Variants in MOB1B observed in about 807,000 individuals in gnomAD.
MOB1B encodes MOB kinase activator 1B, also known as MOB1 Mps One Binder homolog B.
A neutral mutation model predicts 24.4 loss-of-function variants in MOB1B; 19 were observed. That is an observed-to-expected ratio of 0.78 (90% confidence interval 0.54 to 1.14). The LOEUF is 1.14. MOB1B is among the 50% of genes most tolerant of loss of function. The pLI, the probability that MOB1B is intolerant of heterozygous loss-of-function variation, is 0.00. For synonymous variants in MOB1B, 76 were observed against 82.1 expected (o/e 0.93, Z 0.40); for missense variants, 243 against 259.6 (o/e 0.94, Z 0.44).
chr4:70,976,753 C>CATATATATATATATATATATAT (rs376072053), intron 4 of MOB1B: 10 of 181,558 alleles, frequency 5.5e-5, no homozygotes, highest in African/African-American at 2.8e-4. Flanking sequence ...GACTGAATTA[C>CATATATATATATATATATATAT]ATATATATAT....
chr4:70,982,629 A>G lies in MOB1B; in HGVS notation c.*572A>G, dbSNP rs1175646970. On this transcript the variant is annotated 3_prime_UTR_variant, in exon 6 of 6. Transcript: ENST00000309395. ...TTGAAGAAACAGAATTTGTAAAGGT[A>G]TGCATGTAGAACATAAAAAATATTT... The G allele has an allele frequency of 6.6e-6, 1 of 152,640 alleles. No individual in the cohort carries two copies. Among genetic ancestry groups the G allele is most frequent in the African/African-American group, 2.4e-5 (1 of 41,472 alleles). 9.5% of individuals were successfully genotyped at this position (152,640 alleles called of 1,614,324 possible).
chr4:70,922,460 C>A (rs1194297813), intron 1 of MOB1B, among the ~76,000 whole-genome samples: 3 of 151,986 alleles, frequency 2.0e-5, no homozygotes, highest in Non-Finnish European at 2.9e-5. Flanking sequence ...GGGGAGGGGG[C>A]TTGGGGGCTT....
In MOB1B at chr4:70,979,198, T is replaced by G; in HGVS notation, c.480T>G (p.Ala160=). The G allele has an allele frequency of 6.2e-7, 1 of 1,613,820 alleles. No individual in the cohort carries two copies. Among genetic ancestry groups the G allele is most frequent in the Non-Finnish European group, 8.5e-7 (1 of 1,179,758 alleles). The change falls in exon 5 of 6, where the codon GCT becomes GCG. Residue 160 remains alanine (A), a synonymous_variant. Coordinates refer to ENST00000309395, the MANE Select transcript of MOB1B (RefSeq NM_173468.4). The part of the protein sequence containing the change: ...TILKRLFRVY[A]HIYHQHFDPV... The stretch of plus-strand genomic sequence containing the variant: ...TCAAACGCCTCTTTAGGGTTTATGC[T>G]CACATTTATCATCAGCATTTTGACC...
intron 5 of MOB1B, 103 bp downstream of exon 5, chr4:70,979,394 C>T (rs999536176): frequency 6.0e-6 from 5 of 836,924 alleles, no homozygotes; most frequent in Non-Finnish European, 9.3e-6. Flanking sequence ...TTTGCCATAT[C>T]TCTGTAGTCT....
intron 2 of MOB1B, among the ~76,000 whole-genome samples, chr4:70,959,712 AATAG>A (rs1168539656): frequency 6.6e-6 from 1 of 152,112 alleles, no homozygotes; most frequent in Non-Finnish European, 1.5e-5. Flanking sequence ...ATTTCGGTTT[AATAG>A]ATTAAGTTGA....
intron 1 of MOB1B, among the ~76,000 whole-genome samples, chr4:70,907,972 T>C (rs1735815378): frequency 6.6e-6 from 1 of 151,970 alleles, no homozygotes; most frequent in African/African-American, 2.4e-5. Flanking sequence ...TGAAAGTCTG[T>C]AGGAAAGGTG....
At position 70,908,611 on chromosome 4, in the gene MOB1B, A is replaced by G. The variant is rs566333127; in HGVS notation, c.14+6061A>G. ...AACATGGTGAAACCCTGTCTTTACT[A>G]AAAATACAAAAAAATTAGTCAGACA... On this transcript the variant is annotated intron_variant, in intron 1 of 5. Transcript: ENST00000309395. 4.6e-4 allele frequency among the ~76,000 whole-genome samples: 68 copies of G among 149,134 alleles called. 1 individual carries two copies. The highest frequency in any genetic ancestry group is 1.7e-3 in the African/African-American group (67 of 39,886).
At position 70,914,838 on chromosome 4, in the gene MOB1B, G is replaced by A. The variant is rs77620667; in HGVS notation, c.14+12288G>A. Among the ~76,000 whole-genome samples, 12 of 152,274 alleles carry A rather than the reference G, an allele frequency of 7.9e-5. No homozygotes were observed. The East Asian group carries it at 1.2e-3, about 15-fold the overall frequency. On this transcript the variant is annotated intron_variant, in intron 1 of 5. Transcript: ENST00000309395. ...TGGGCCCAAGCTGTTGTACAGTCGC[G>A]GTTACTGCCCCACCTCCTCTCCTTG...
rs1246404230 is a variant in MOB1B at position 70,982,215 on chromosome 4, C to T, written c.*158C>T. On this transcript the variant is annotated 3_prime_UTR_variant, in exon 6 of 6. Transcript: ENST00000309395. ...TTTCTTTATTCTGATTATGTGAAAC[C>T]ATATTCTATTGCTAGGGGAAGCCAA... 20 of 527,644 alleles carry T rather than the reference C, an allele frequency of 3.8e-5. No individual in the cohort carries two copies. Among genetic ancestry groups the T allele is most frequent in the Non-Finnish European group, 6.7e-5 (20 of 298,404 alleles). The allele number at this position is 527,644 out of a possible 1,614,324, so 32.7% of individuals were successfully genotyped here.
At chr4:70,959,953 G>A (rs1171091447) in intron 2 of MOB1B, among the ~76,000 whole-genome samples, 4 of 151,840 alleles carry the variant, frequency 2.6e-5, no homozygotes, top group East Asian at 3.9e-4. Context: ...ACATGATCTC[G>A]GCTCACTCCA....
intron 1 of MOB1B, among the ~76,000 whole-genome samples, chr4:70,936,334 A>C (rs1737083082): frequency 6.6e-6 from 1 of 152,094 alleles, no homozygotes; most frequent in Non-Finnish European, 1.5e-5. Flanking sequence ...CTTTTCTTTG[A>C]ACTGCATTTA....
At chr4:70,962,991 G>A (rs186032109) in intron 2 of MOB1B, among the ~76,000 whole-genome samples, 245 of 152,196 alleles carry the variant, frequency 1.6e-3, no homozygotes, top group Non-Finnish European at 3.1e-3. Flanking sequence ...GTGACAGAGC[G>A]AGACTCTGTC....
At chr4:70,955,078 GC>G (rs1226734175) in intron 1 of MOB1B, among the ~76,000 whole-genome samples, 1 of 152,220 alleles carries the variant, frequency 6.6e-6, no homozygotes, top group African/African-American at 2.4e-5. Context: ...GAGCCACTGT[GC>G]CCGGCCTAGA....
In MOB1B at chr4:70,987,301, G is replaced by GT. The variant is rs1381892275; in HGVS notation, c.*5250dup. On this transcript the variant is annotated 3_prime_UTR_variant, in exon 6 of 6. Coordinates refer to ENST00000309395, the MANE Select transcript of MOB1B (RefSeq NM_173468.4). Reference sequence around the variant, plus strand: ...CTCTATATATTATTAATATTAAATTGTTTTTTACTTATAAATTCATGTTCT... The same window carrying GT: ...CTCTATATATTATTAATATTAAATTGTTTTTTTACTTATAAATTCATGTTCT... 2 of 151,472 alleles carry GT rather than the reference G, an allele frequency of 1.3e-5. No homozygotes were observed. Among genetic ancestry groups the GT allele is most frequent in the Non-Finnish European group, 1.5e-5 (1 of 67,854 alleles). The allele number at this position is 151,472 out of a possible 1,614,324, so 9.4% of individuals were successfully genotyped here.
chr4:70,956,253 A>T (rs981355877), intron 1 of MOB1B, among the ~76,000 whole-genome samples: 18 of 151,246 alleles, frequency 1.2e-4, no homozygotes, highest in Admixed American at 5.3e-4. Flanking sequence ...TTATTTTTAA[A>T]TTTTTTTCTT....
chr4:70,981,934 A>T, intron 5 of MOB1B, 46 bp from the exon 6 acceptor site: 1 of 1,231,416 alleles, frequency 8.1e-7, no homozygotes, highest in East Asian at 2.3e-5. Flanking sequence ...TAAGATGCAA[A>T]TAATGTTTTT....
At chr4:70,943,770 T>A (rs1737449826) in intron 1 of MOB1B, among the ~76,000 whole-genome samples, 1 of 152,190 alleles carries the variant, frequency 6.6e-6, no homozygotes, top group African/African-American at 2.4e-5. Context: ...GAATCAGTTA[T>A]ATCAAGCTAT....
chr4:70,974,610 C>T (rs1435439967), intron 3 of MOB1B, among the ~76,000 whole-genome samples: 3 of 152,090 alleles, frequency 2.0e-5, no homozygotes, highest in African/African-American at 7.2e-5. Context: ...ATTTGGGTTG[C>T]AAATTTTCTT....
upstream of MOB1B, among the ~76,000 whole-genome samples, chr4:70,901,855 A>G (rs1480388961): frequency 3.3e-5 from 5 of 152,166 alleles, no homozygotes; most frequent in East Asian, 7.7e-4. Context: ...TGTTCTGTGC[A>G]TTAGAATGCT....
Sources: allele counts gnomAD v4.1 joint callset (sites outside exome capture counted in the v4.1 genomes callset), GRCh38; gene constraint gnomAD v4.1.1; transcripts MANE v1.5; gene names NCBI Gene and HGNC (gene_info 2026-07-23, HGNC 2026-07-21).